The following HIVEP1 variants were observed in gnomAD, a reference collection of about 807,000 sequenced individuals.
The protein encoded by HIVEP1 is zinc finger protein 40.
In HIVEP1, 36 loss-of-function variants were observed where a neutral mutation model predicts 180.0. The observed-to-expected ratio is 0.20, with a 90% CI of 0.15 to 0.26. HIVEP1 has a LOEUF of 0.26. HIVEP1 is among the 10% of genes least tolerant of loss of function. HIVEP1 has a pLI of 1.00. For synonymous variants in HIVEP1, 1,239 were observed against 1,239.0 expected (o/e 1.00, Z 0.00); for missense variants, 3,143 against 3,268.7 (o/e 0.96, Z 0.94).
At chr6:12,127,957 T>A (rs2113553047) in intron 4 of HIVEP1, among the ~76,000 whole-genome samples, 1 of 152,306 alleles carries the variant, frequency 6.6e-6, no homozygotes, top group African/African-American at 2.4e-5. Context: ...GTTAATGCAT[T>A]TATGATTCAC....
chr6:12,177,011 C>T, the HIVEP1 span, among the ~76,000 whole-genome samples: 2 of 152,114 alleles, frequency 1.3e-5, no homozygotes, highest in East Asian at 1.9e-4. Flanking sequence ...ATATCTTCTG[C>T]GGGAACATGG....
intron 6 of HIVEP1, among the ~76,000 whole-genome samples, chr6:12,133,012 A>G (rs568515715): frequency 1.3e-5 from 2 of 152,136 alleles, no homozygotes; most frequent in African/African-American, 4.8e-5. Flanking sequence ...AGCCAGTAGG[A>G]CTCCACTTAT....
chr6:12,159,430 C>T (rs940854091), intron 7 of HIVEP1, among the ~76,000 whole-genome samples: 12 of 152,126 alleles, frequency 7.9e-5, no homozygotes, highest in African/African-American at 2.9e-4. Context: ...ACTGATGTGG[C>T]AAATTCAAGT....
chr6:12,132,685 A>C (rs79853044), intron 6 of HIVEP1, among the ~76,000 whole-genome samples: 445 of 152,314 alleles, frequency 2.9e-3, no homozygotes, highest in Non-Finnish European at 5.1e-3. Context: ...ACACATCTCT[A>C]ATATGCTGTA....
At chr6:12,172,213 T>C in the HIVEP1 span, among the ~76,000 whole-genome samples, 1 of 152,236 alleles carries the variant, frequency 6.6e-6, no homozygotes, top group Non-Finnish European at 1.5e-5. Context: ...TTTTGTTCTC[T>C]GAGAAGCTAG....
intron 2 of HIVEP1, among the ~76,000 whole-genome samples, chr6:12,047,497 G>T (rs745905062): frequency 6.6e-6 from 1 of 152,234 alleles, no homozygotes; most frequent in Admixed American, 6.5e-5. Context: ...TGGTCCCCAC[G>T]GTGCTGGGAG....
At chr6:12,145,128 C>T (rs1024845278) in intron 7 of HIVEP1, among the ~76,000 whole-genome samples, 7 of 152,152 alleles carry the variant, frequency 4.6e-5, no homozygotes, top group African/African-American at 1.7e-4. Context: ...CCCAGATGTC[C>T]ATCAATTATA....
intron 3 of HIVEP1, 112 bp from the exon 4 acceptor site, chr6:12,119,778 C>T (rs1775445320): frequency 1.5e-6 from 1 of 676,650 alleles, no homozygotes; most frequent in African/African-American, 1.9e-5. Context: ...TCCTTAAATA[C>T]TTTCTTCACT....
At chr6:12,065,538 C>T (rs1035127937) in intron 2 of HIVEP1, among the ~76,000 whole-genome samples, 23 of 152,114 alleles carry the variant, frequency 1.5e-4, no homozygotes, top group Admixed American at 7.2e-4. Flanking sequence ...AGCAACTTCC[C>T]GTTCTGGAGG....
At chr6:12,170,852 C>A in the HIVEP1 span, among the ~76,000 whole-genome samples, 1 of 151,878 alleles carries the variant, frequency 6.6e-6, no homozygotes, top group South Asian at 2.1e-4. Context: ...TCACAGGACA[C>A]AAAAGTAAGG....
intron 2 of HIVEP1, among the ~76,000 whole-genome samples, chr6:12,065,561 G>C (rs554447190): frequency 3.2e-4 from 48 of 152,152 alleles, no homozygotes; most frequent in African/African-American, 1.1e-3. Flanking sequence ...AATCTGCCTG[G>C]GTTCAAGCTG....
intron 2 of HIVEP1, among the ~76,000 whole-genome samples, chr6:12,068,022 AG>A (rs1346663907): frequency 2.0e-5 from 3 of 151,944 alleles, no homozygotes. Context: ...CGTGCTGGTG[AG>A]GGGGCTGTGC....
At chr6:12,049,466 G>A (rs994497018) in intron 2 of HIVEP1, among the ~76,000 whole-genome samples, 8 of 152,154 alleles carry the variant, frequency 5.3e-5, no homozygotes, top group South Asian at 2.1e-4. Context: ...GAGACCTTGC[G>A]CGAGGAGGTG....
intron 7 of HIVEP1, among the ~76,000 whole-genome samples, chr6:12,138,762 A>G (rs1430179776): frequency 6.6e-6 from 1 of 151,942 alleles, no homozygotes; most frequent in Non-Finnish European, 1.5e-5. Flanking sequence ...TGGGGTGTCT[A>G]ATTAGCATCT....
At chr6:12,037,417 G>A (rs551623965) in intron 2 of HIVEP1, among the ~76,000 whole-genome samples, 4 of 152,262 alleles carry the variant, frequency 2.6e-5, no homozygotes, top group South Asian at 4.1e-4. Flanking sequence ...ATTGATCAGC[G>A]ATGATTTTCC....
At chr6:12,010,693 A>T (rs1767229715), upstream of HIVEP1, among the ~76,000 whole-genome samples, 1 of 151,466 alleles carries the variant, frequency 6.6e-6, no homozygotes, top group East Asian at 1.9e-4. Flanking sequence ...TTGCTTCTTG[A>T]GGTGGACCTG....
In HIVEP1 at chr6:12,164,774, C is replaced by G; in HGVS notation, c.*313C>G. 1 of 183,812 alleles carries G rather than the reference C, an allele frequency of 5.4e-6. No homozygotes were observed. The highest frequency in any genetic ancestry group is 1.1e-5 in the Non-Finnish European group (1 of 88,454). 11.4% of individuals were successfully genotyped at this position (183,812 alleles called of 1,614,324 possible). A position where few individuals can be genotyped will look rare whatever the true frequency, so the allele number is the denominator to read the frequency against. On this transcript the variant is annotated 3_prime_UTR_variant, in exon 9 of 9. Transcript: ENST00000379388. ...TTTGTGTTTAGTAAGGAAAACCTGT[C>G]AAATAAATCAAATGATTAAATTATA...
intron 3 of HIVEP1, among the ~76,000 whole-genome samples, chr6:12,090,616 G>A (rs1773405884): frequency 6.6e-6 from 1 of 151,618 alleles, no homozygotes; most frequent in South Asian, 2.1e-4. Flanking sequence ...GAAGAGTAAA[G>A]ATGTCTCCAT....
intron 1 of HIVEP1, among the ~76,000 whole-genome samples, chr6:12,015,010 C>G (rs186975698): frequency 8.5e-5 from 13 of 152,170 alleles, no homozygotes; most frequent in African/African-American, 2.9e-4. Context: ...AAGTCTCATC[C>G]GCTCACAGGT....
Sources: gnomAD v4.1 joint callset for allele counts (sites outside exome capture counted in the v4.1 genomes callset) on GRCh38, gnomAD v4.1.1 for gene constraint, MANE v1.5 for transcripts, NCBI Gene and HGNC (gene_info 2026-07-23, HGNC 2026-07-21) for gene names.